The following CFAP20DC variants were observed in gnomAD, a reference collection of about 807,000 sequenced individuals.
The protein encoded by CFAP20DC is CFAP20 domain containing.
CFAP20DC carries 84 observed loss-of-function variants against 101.7 expected under a neutral mutation model. The ratio of observed to expected loss-of-function variants is 0.83; its 90% confidence interval spans 0.69 to 0.99. The LOEUF (loss-of-function observed/expected upper bound fraction) is 0.99. CFAP20DC is among the 50% of genes least tolerant of loss of function. The probability of loss-of-function intolerance (pLI) is 0.00; values close to 1 mark genes in which losing one functional copy is unlikely to be tolerated. For synonymous variants in CFAP20DC, 359 were observed against 351.2 expected (o/e 1.02, Z -0.25); for missense variants, 1,007 against 970.3 (o/e 1.04, Z -0.50).
chr3:58,757,763 C>A (rs1252726027), intron 15 of CFAP20DC, among the ~76,000 whole-genome samples: 1 of 151,924 alleles, frequency 6.6e-6, no homozygotes, highest in South Asian at 2.1e-4. Flanking sequence ...TTTAAAATAA[C>A]CATAGAGTTA....
chr3:58,932,174 T>C (rs1480241818), intron 5 of CFAP20DC, among the ~76,000 whole-genome samples: 1 of 151,928 alleles, frequency 6.6e-6, no homozygotes, highest in Admixed American at 6.6e-5. Flanking sequence ...AGGGTATCAG[T>C]GATGGAAGAT....
At chr3:58,982,279 A>C (rs1386869904) in intron 4 of CFAP20DC, among the ~76,000 whole-genome samples, 1 of 152,162 alleles carries the variant, frequency 6.6e-6, no homozygotes, top group Non-Finnish European at 1.5e-5. Context: ...ACTAGTTTGT[A>C]AACCATTTTG....
At chr3:58,932,637 G>T (rs1033857582) in intron 5 of CFAP20DC, among the ~76,000 whole-genome samples, 5 of 152,238 alleles carry the variant, frequency 3.3e-5, no homozygotes, top group South Asian at 2.1e-4. Context: ...TTAAAGAAAA[G>T]AATTTTCAAC....
intron 4 of CFAP20DC, among the ~76,000 whole-genome samples, chr3:58,997,069 C>T (rs556314316): frequency 7.2e-5 from 11 of 152,344 alleles, no homozygotes; most frequent in Non-Finnish European, 1.3e-4. Context: ...GCTTTACTCA[C>T]CCTTCAAACT....
rs2074230351 is a variant in CFAP20DC, at chr3:58,807,789, C to CA, written c.2176-1334dup. Among the ~76,000 whole-genome samples the CA allele has an allele frequency of 2.6e-5, 4 of 152,212 alleles. No individual in the cohort carries two copies. The South Asian group carries it at 8.3e-4, about 32-fold the overall frequency. The stretch of plus-strand genomic sequence containing the variant: ...CCGAGCTACAGGAGGAAATTCAAAC[C>CA]AAAGGCAAAGAAGTTAAAAACTTTG... On this transcript the variant is annotated intron_variant, in intron 14 of 16. Coordinates refer to ENST00000482387, the MANE Select transcript of CFAP20DC (RefSeq NM_001394063.1).
At chr3:59,046,452 T>A (rs949411972) in intron 2 of CFAP20DC, 130 bp from the exon 3 acceptor site, 4 of 627,252 alleles carry the variant, frequency 6.4e-6, no homozygotes, top group Non-Finnish European at 1.1e-5. Context: ...GGCTCAGGCC[T>A]TAGTACTTTT....
chr3:59,046,123 A>G, intron 3 of CFAP20DC, 106 bp downstream of exon 3: 1 of 771,394 alleles, frequency 1.3e-6, no homozygotes, highest in Non-Finnish European at 2.1e-6. Context: ...ATCATCTTAC[A>G]TAAATAGATG....
chr3:58,756,471 C>T (rs989494510), intron 15 of CFAP20DC, among the ~76,000 whole-genome samples: 1 of 152,026 alleles, frequency 6.6e-6, no homozygotes, highest in African/African-American at 2.4e-5. Flanking sequence ...ATTAGTCATT[C>T]GAAATACAAC....
chr3:58,871,780 A>T (rs2080246357), intron 7 of CFAP20DC, among the ~76,000 whole-genome samples: 2 of 152,086 alleles, frequency 1.3e-5, no homozygotes, highest in African/African-American at 4.8e-5. Flanking sequence ...CACCTGACTC[A>T]GCTTCCCAAA....
chr3:58,847,658 C>CAAATATACCATTTGGGTAT (rs2077798416), intron 13 of CFAP20DC, among the ~76,000 whole-genome samples: 1 of 150,986 alleles, frequency 6.6e-6, no homozygotes, highest in Non-Finnish European at 1.5e-5. Flanking sequence ...CCAGCCATCC[C>CAAATATACCATTTGGGTAT]ATTACTGGGT....
chr3:59,027,549 T>C (rs976550146), intron 4 of CFAP20DC, among the ~76,000 whole-genome samples: 3 of 152,144 alleles, frequency 2.0e-5, no homozygotes, highest in Admixed American at 2.0e-4. Context: ...CAGTACAAAA[T>C]GTCTATCAAA....
chr3:58,905,962 T>C (rs992679688), intron 6 of CFAP20DC, among the ~76,000 whole-genome samples: 1 of 152,154 alleles, frequency 6.6e-6, no homozygotes, highest in Non-Finnish European at 1.5e-5. Context: ...CAAACTGAAA[T>C]AATTAGGAAT....
Position 58,899,616 on chromosome 3 carries a change from C to T in CFAP20DC, c.550+14092G>A, listed in dbSNP as rs554706031. Among the ~76,000 whole-genome samples the T allele has an allele frequency of 5.3e-5, 8 of 152,110 alleles. No homozygotes were observed. Among genetic ancestry groups the T allele is most frequent in the Non-Finnish European group, 8.8e-5 (6 of 68,022 alleles). On this transcript the variant is annotated intron_variant, in intron 6 of 16. Transcript: ENST00000482387. The surrounding 1 kb of genome is among the most constrained non-coding windows in gnomAD (Gnocchi z 5.0). ...TTGGACCCAGTACCCTGGTGGCATG[C>T]GCTTATGAGGGGATCTCCTAATCTG...
chr3:59,003,346 C>G (rs1450752589), intron 4 of CFAP20DC, among the ~76,000 whole-genome samples: 8 of 152,126 alleles, frequency 5.3e-5, no homozygotes, highest in Non-Finnish European at 1.0e-4. Context: ...TTAAGAGATT[C>G]AGACACAGAC....
At chr3:58,987,858 C>T (rs994692319) in intron 4 of CFAP20DC, among the ~76,000 whole-genome samples, 1 of 151,872 alleles carries the variant, frequency 6.6e-6, no homozygotes, top group African/African-American at 2.4e-5. Flanking sequence ...CTAAAAAGCA[C>T]CAGGTCCAGA....
At chr3:58,942,127 T>C (rs566224362) in intron 4 of CFAP20DC, among the ~76,000 whole-genome samples, 1 of 152,348 alleles carries the variant, frequency 6.6e-6, no homozygotes, top group South Asian at 2.1e-4. Context: ...AATTATCCTG[T>C]TGTTTTTCAC....
chr3:58,931,694 CG>C (rs2086722210), intron 5 of CFAP20DC, among the ~76,000 whole-genome samples: 1 of 151,060 alleles, frequency 6.6e-6, no homozygotes, highest in South Asian at 2.1e-4. Flanking sequence ...CAAACTCCAA[CG>C]GACCTGCAGC....
intron 3 of CFAP20DC, among the ~76,000 whole-genome samples, chr3:59,041,261 C>T (rs867215039): frequency 6.6e-6 from 1 of 152,082 alleles, no homozygotes; most frequent in Non-Finnish European, 1.5e-5. Context: ...GAGTTACACA[C>T]ATAGGGCATT....
intron 15 of CFAP20DC, among the ~76,000 whole-genome samples, chr3:58,754,143 C>G (rs1165420932): frequency 6.6e-6 from 1 of 152,098 alleles, no homozygotes; most frequent in Non-Finnish European, 1.5e-5. Flanking sequence ...GAGTTCTTTT[C>G]ACATAAGAAA....
Sources: gnomAD v4.1 joint callset for allele counts (sites outside exome capture counted in the v4.1 genomes callset) on GRCh38, gnomAD v4.1.1 for gene constraint, Gnocchi (gnomAD v3.1) non-coding constraint, MANE v1.5 for transcripts, NCBI Gene and HGNC (gene_info 2026-07-23, HGNC 2026-07-21) for gene names.